ZBTB1: variants seen among roughly 807,000 people sequenced by gnomAD.
ZBTB1 encodes zinc finger and BTB domain containing 1.
Under a neutral mutation model 51.6 loss-of-function variants are expected in ZBTB1, and 13 were observed. The observed-to-expected ratio is 0.25, with a 90% confidence interval of 0.16 to 0.40. The LOEUF (loss-of-function observed/expected upper bound fraction) is 0.40, where lower values mean the gene tolerates loss of function less well. Ranked by LOEUF, ZBTB1 falls within the 10% of genes least tolerant of loss-of-function variation. The pLI is 1.00. For missense variants in ZBTB1, 567 were observed against 856.5 expected (o/e 0.66, Z 4.22); for synonymous variants, 240 against 282.2 (o/e 0.85, Z 1.50).
rs754068510 is a variant in ZBTB1, at chr14:64,523,658, C to T, written c.*12C>T. Reference sequence around the variant, plus strand: ...TGAAAAGAACCTGAGTGATTTTCTACTGTACTAATGTTTAGATGATAGCAG... The same window carrying T: ...TGAAAAGAACCTGAGTGATTTTCTATTGTACTAATGTTTAGATGATAGCAG... On this transcript the variant is annotated 3_prime_UTR_variant, in exon 2 of 2. Transcript: ENST00000683701. The surrounding 1 kb of genome is among the most constrained non-coding windows in gnomAD (Gnocchi z 4.5). The T allele has an allele frequency of 1.9e-6, 3 of 1,541,642 alleles. No homozygotes were observed. The highest frequency in any genetic ancestry group is 2.7e-5 in the African/African-American group (2 of 72,772).
At chr14:64,517,787 T>G (rs1220954529) in intron 1 of ZBTB1, among the ~76,000 whole-genome samples, 1 of 109,064 alleles carries the variant, frequency 9.2e-6, no homozygotes, top group African/African-American at 3.2e-5. Context: ...ATATATTTTT[T>G]TTTTTTTTTT....
rs1044849801 is a variant in ZBTB1 at position 64,524,506 on chromosome 14, A to G, written c.*860A>G. ...GCTTATCAATTATTTTTGTTTATAA[A>G]TAGACTTTAATAGCTCTCTAAGAAT... On this transcript the variant is annotated 3_prime_UTR_variant, in exon 2 of 2. Coordinates refer to ENST00000683701, the MANE Select transcript of ZBTB1 (RefSeq NM_001123329.2). The G allele has an allele frequency of 1.0e-5, 10 of 957,274 alleles. No individual in the cohort carries two copies. In the African/African-American group the frequency reaches 1.1e-4, roughly 10 times the overall value. 59.3% of individuals were successfully genotyped at this position (957,274 alleles called of 1,614,324 possible). A position where few individuals can be genotyped will look rare whatever the true frequency, so the allele number is the denominator to read the frequency against.
chr14:64,509,850 G>A (rs1302891180), intron 1 of ZBTB1, among the ~76,000 whole-genome samples: 1 of 152,016 alleles, frequency 6.6e-6, no homozygotes, highest in East Asian at 1.9e-4. Flanking sequence ...GGTGGTGGGC[G>A]CCTGTAGTCC....
chr14:64,522,830 A>G lies in ZBTB1; in HGVS notation c.1326A>G (p.Lys442=). 1 of 1,614,176 alleles carries G rather than the reference A, an allele frequency of 6.2e-7. No individual in the cohort carries two copies. The highest frequency in any genetic ancestry group is 8.5e-7 in the Non-Finnish European group (1 of 1,180,016). Residue 442 remains lysine (K), a synonymous_variant, in exon 2 of 2, where the codon AAA becomes AAG. Transcript: ENST00000683701. ...EEDLSSHYLA[K]HIENICACGK... is the part of the protein sequence containing the mutation. ...ACCTGTCATCTCATTACTTAGCCAA[A>G]CACATTGAAAATATCTGTGCATGTG...
At chr14:64,517,781 A>ATTT (rs10590459) in intron 1 of ZBTB1, among the ~76,000 whole-genome samples, 4 of 41,550 alleles carry the variant, frequency 9.6e-5, no homozygotes, top group African/African-American at 2.7e-4. Context: ...ATATATATAT[A>ATTT]TTTTTTTTTT....
upstream of ZBTB1, chr14:64,503,772 G>A: frequency 4.3e-6 from 1 of 234,658 alleles, no homozygotes; most frequent in Non-Finnish European, 7.0e-6. Context: ...CGCCTCTCGC[G>A]CGGCTTCCCG....
Position 64,522,002 on chromosome 14 carries a change from G to T in ZBTB1, c.498G>T (p.Thr166=). ...ANRWCAEPSS[T]VNTPHNREAD... ...GGTGGTGTGCAGAGCCAAGTTCAAC[G>T]GTAAATACACCACATAATAGAGAGG... is the stretch of plus-strand genomic sequence containing the variant. Residue 166 remains threonine, a synonymous_variant, in exon 2 of 2, where the codon ACG becomes ACT. Coordinates refer to ENST00000683701, the MANE Select transcript of ZBTB1 (RefSeq NM_001123329.2). The T allele has an allele frequency of 6.2e-7, 1 of 1,614,176 alleles. No homozygotes were observed. The highest frequency in any genetic ancestry group is 2.2e-5 in the East Asian group (1 of 44,882).
downstream of ZBTB1, among the ~76,000 whole-genome samples, chr14:64,525,337 A>G (rs1342624065): frequency 6.6e-6 from 1 of 152,210 alleles, no homozygotes; most frequent in Non-Finnish European, 1.5e-5. Flanking sequence ...ATTTAACAGC[A>G]AAAGCAGGAA....
intron 1 of ZBTB1, among the ~76,000 whole-genome samples, chr14:64,512,846 G>T (rs61985707): frequency 0.17 from 26,158 of 152,062 alleles, 2,587 homozygotes; most frequent in Non-Finnish European, 0.22. Flanking sequence ...CCTATACCCT[G>T]CAAGATGGTA....
chr14:64,518,359 G>C (rs1024540729), intron 1 of ZBTB1: 2 of 152,120 alleles, frequency 1.3e-5, no homozygotes, highest in African/African-American at 2.4e-5. Context: ...GTACTTACTT[G>C]AAACTTGATC....
At chr14:64,516,490 AT>A (rs1327054897) in intron 1 of ZBTB1, 1 of 152,246 alleles carries the variant, frequency 6.6e-6, no homozygotes, top group Non-Finnish European at 1.5e-5. Context: ...TTCAGCTTCC[AT>A]TTGTTCAGCT....
At chr14:64,506,022 G>T (rs1348384864) in intron 1 of ZBTB1, among the ~76,000 whole-genome samples, 1 of 152,184 alleles carries the variant, frequency 6.6e-6, no homozygotes, top group African/African-American at 2.4e-5. Context: ...TTGAAACGGA[G>T]AAATTAGATT....
Position 64,508,094 on chromosome 14 carries a change from G to A in ZBTB1, c.-19+3148G>A, listed in dbSNP as rs187496497. Among the ~76,000 whole-genome samples, 212 of 152,222 alleles carry A rather than the reference G, an allele frequency of 1.4e-3. 1 individual carries two copies. The highest frequency in any genetic ancestry group is 4.8e-3 in the African/African-American group (199 of 41,484). The stretch of plus-strand genomic sequence containing the variant: ...TTAGCCATGTGTATTTAAGAAGAAT[G>A]AACTGTGAAGAAGTTGATGATGATC... On this transcript the variant is annotated intron_variant, in intron 1 of 1. Transcript: ENST00000683701.
At chr14:64,528,588 G>A (rs1459888804), downstream of ZBTB1, among the ~76,000 whole-genome samples, 1 of 152,058 alleles carries the variant, frequency 6.6e-6, no homozygotes, top group Non-Finnish European at 1.5e-5. Flanking sequence ...GGGATGATAG[G>A]ATGAATGCCA....
chr14:64,508,655 A>C, intron 1 of ZBTB1, among the ~76,000 whole-genome samples: 1 of 152,220 alleles, frequency 6.6e-6, no homozygotes, highest in Non-Finnish European at 1.5e-5. Context: ...CTTCATTTGC[A>C]AAATGAGGAT....
In ZBTB1 at chr14:64,519,553, C is replaced by T. The variant is rs535082357; in HGVS notation, c.-18-1934C>T. Among the ~76,000 whole-genome samples, 4 of 149,838 alleles carry T rather than the reference C, an allele frequency of 2.7e-5. No individual in the cohort carries two copies. The East Asian group carries it at 7.9e-4, about 30-fold the overall frequency. On this transcript the variant is annotated intron_variant, in intron 1 of 1. Transcript: ENST00000683701. ...CCGAGGCAGGAGGATCGCTTGAACT[C>T]AGGAGTTCAAGACCAGCCTGGACAA...
At chr14:64,504,218 A>T (rs1449942484), upstream of ZBTB1, 1 of 140,542 alleles carries the variant, frequency 7.1e-6, no homozygotes, top group African/African-American at 2.7e-5. Context: ...TGGCGGGGGA[A>T]GTGACTCAGG....
intron 1 of ZBTB1, among the ~76,000 whole-genome samples, chr14:64,512,983 T>C (rs1473362795): frequency 6.6e-6 from 1 of 152,220 alleles, no homozygotes; most frequent in Non-Finnish European, 1.5e-5. Flanking sequence ...TTTGTGATAT[T>C]ACAAAGGTTA....
At chr14:64,527,804 G>A (rs530673699), downstream of ZBTB1, among the ~76,000 whole-genome samples, 4 of 152,110 alleles carry the variant, frequency 2.6e-5, no homozygotes, top group African/African-American at 9.6e-5. Context: ...GAAAAATCAT[G>A]TTTTACTGTA....
Sources: allele counts gnomAD v4.1 joint callset (sites outside exome capture counted in the v4.1 genomes callset), GRCh38; gene constraint gnomAD v4.1.1; non-coding constraint Gnocchi (gnomAD v3.1); transcripts MANE v1.5; gene names NCBI Gene and HGNC (gene_info 2026-07-23, HGNC 2026-07-21).